Variants in CAST observed in about 807,000 individuals in gnomAD.
The protein encoded by CAST is MIR583 host.
CAST carries 76 observed loss-of-function variants against 119.6 expected under a neutral mutation model. That is an observed-to-expected ratio of 0.64 (90% confidence interval 0.53 to 0.77). The LOEUF is 0.77. Ranked by LOEUF, CAST falls within the 30% of genes least tolerant of loss-of-function variation. CAST has a pLI of 0.00. For missense variants in CAST, 953 were observed against 946.5 expected, an observed-to-expected ratio of 1.01 and a Z score of -0.09; for synonymous variants, 319 against 331.6, an observed-to-expected ratio of 0.96 and a Z score of 0.41.
intron 1 of CAST, among the ~76,000 whole-genome samples, chr5:96,671,328 G>C (rs910230611): frequency 1.3e-5 from 2 of 152,038 alleles, no homozygotes; most frequent in African/African-American, 4.8e-5. Context: ...TGTGTGTTCA[G>C]TTCATTTATA....
At chr5:96,662,348 GCAGGACTCCCCGC>G (rs1473657128), upstream of CAST, 49 of 1,067,682 alleles carry the variant, frequency 4.6e-5, no homozygotes, top group Middle Eastern at 3.9e-4. Flanking sequence ...TCTCTCCCTG[GCAGGACTCCCCGC>G]CAGGCCTCCC....
At chr5:96,476,131 C>G in the CAST span, among the ~76,000 whole-genome samples, 58 of 152,220 alleles carry the variant, frequency 3.8e-4, no homozygotes, top group African/African-American at 1.4e-3. Flanking sequence ...AGCTATTGAC[C>G]AGCAAATCTT....
the CAST span, among the ~76,000 whole-genome samples, chr5:96,427,572 A>G: frequency 6.6e-6 from 1 of 151,166 alleles, no homozygotes; most frequent in South Asian, 2.1e-4. Flanking sequence ...GCATTTTTTC[A>G]TAATGTCTTG....
At chr5:96,000,141 T>A in the CAST span, among the ~76,000 whole-genome samples, 1 of 152,204 alleles carries the variant, frequency 6.6e-6, no homozygotes, top group Non-Finnish European at 1.5e-5. Context: ...TTTTTTTGTA[T>A]AGTCTAGATA....
At chr5:96,223,704 A>G in the CAST span, among the ~76,000 whole-genome samples, 1 of 152,266 alleles carries the variant, frequency 6.6e-6, no homozygotes, top group African/African-American at 2.4e-5. Flanking sequence ...AGACTAATAC[A>G]TGGCTGCAGG....
the CAST span, among the ~76,000 whole-genome samples, chr5:96,167,853 C>T: frequency 0.031 from 4,783 of 152,202 alleles, 99 homozygotes; most frequent in Non-Finnish European, 0.047. Flanking sequence ...CGGTCCTGGG[C>T]GGGGCCAAAT....
chr5:96,393,142 C>A, the CAST span: 1 of 1,614,136 alleles, frequency 6.2e-7, no homozygotes, highest in Non-Finnish European at 8.5e-7. Flanking sequence ...AAGGTTTGTT[C>A]AGCTTTTCCA....
chr5:96,299,617 A>G, the CAST span, among the ~76,000 whole-genome samples: 2 of 152,188 alleles, frequency 1.3e-5, no homozygotes, highest in African/African-American at 4.8e-5. Context: ...TAGAAGCACT[A>G]CTACTAGAAG....
chr5:96,491,701 C>T, the CAST span, among the ~76,000 whole-genome samples: 1 of 151,866 alleles, frequency 6.6e-6, no homozygotes, highest in Non-Finnish European at 1.5e-5. Flanking sequence ...GGAATATGTG[C>T]ATAGGAATAG....
At chr5:96,667,192 T>C (rs539837715) in intron 1 of CAST, among the ~76,000 whole-genome samples, 28 of 152,350 alleles carry the variant, frequency 1.8e-4, no homozygotes, top group African/African-American at 6.7e-4. Flanking sequence ...TCTAAAGTTA[T>C]AGTTTCCTAA....
chr5:96,177,692 A>T, the CAST span, among the ~76,000 whole-genome samples: 1 of 152,198 alleles, frequency 6.6e-6, no homozygotes, highest in African/African-American at 2.4e-5. Context: ...GACCTTAAGC[A>T]TGTAAAATCT....
At chr5:96,177,499 G>A in the CAST span, among the ~76,000 whole-genome samples, 945 of 152,230 alleles carry the variant, frequency 6.2e-3, 12 homozygotes, top group African/African-American at 0.022. Context: ...GGATCAACCC[G>A]TATGATCTCA....
chr5:96,160,591 A>C, the CAST span, among the ~76,000 whole-genome samples: 1 of 152,298 alleles, frequency 6.6e-6, no homozygotes, highest in East Asian at 1.9e-4. Context: ...AGTTTTGAGT[A>C]CACATATGTT....
At chr5:96,451,802 AAAC>A in the CAST span, among the ~76,000 whole-genome samples, 1 of 152,232 alleles carries the variant, frequency 6.6e-6, no homozygotes, top group African/African-American at 2.4e-5. Context: ...TACAAGAAAA[AAAC>A]AACAACCCCA....
chr5:96,042,504 T>C, the CAST span, among the ~76,000 whole-genome samples: 1 of 152,214 alleles, frequency 6.6e-6, no homozygotes, highest in Non-Finnish European at 1.5e-5. Flanking sequence ...AATTGGTTGA[T>C]AAGAGCTCTT....
chr5:96,299,863 A>T, the CAST span, among the ~76,000 whole-genome samples: 1 of 152,184 alleles, frequency 6.6e-6, no homozygotes, highest in African/African-American at 2.4e-5. Context: ...TGATTAAATC[A>T]AGCTAATTAA....
At chr5:96,343,079 A>G in the CAST span, among the ~76,000 whole-genome samples, 20 of 152,352 alleles carry the variant, frequency 1.3e-4, no homozygotes, top group Non-Finnish European at 2.6e-4. Flanking sequence ...AAAAAGAGCT[A>G]TTAACAGTTT....
the CAST span, among the ~76,000 whole-genome samples, chr5:96,430,662 A>T: frequency 2.0e-5 from 3 of 152,242 alleles, no homozygotes; most frequent in Non-Finnish European, 4.4e-5. Context: ...AATAAGCAGA[A>T]CCAGGAACGT....
At chr5:96,403,372 G>A in the CAST span, among the ~76,000 whole-genome samples, 1,574 of 152,044 alleles carry the variant, frequency 0.01, 28 homozygotes, top group African/African-American at 0.036. Context: ...CCGTTAACTC[G>A]TCATTTACAT....
Sources: allele counts gnomAD v4.1 joint callset (sites outside exome capture counted in the v4.1 genomes callset), GRCh38; gene constraint gnomAD v4.1.1; transcripts MANE v1.5; gene names NCBI Gene and HGNC (gene_info 2026-07-23, HGNC 2026-07-21).